The following GRM1 variants were observed in gnomAD, a reference collection of about 807,000 sequenced individuals.
GRM1 encodes glutamate metabotropic receptor 1.
GRM1 carries 33 observed loss-of-function variants against 90.9 expected under a neutral mutation model. That is an observed-to-expected ratio of 0.36 (90% confidence interval 0.28 to 0.49). The LOEUF is 0.49. Among genes scored for constraint, GRM1 ranks in the 20% least tolerant of loss-of-function variants. GRM1 has a pLI of 0.99. For missense variants in GRM1, 1,190 were observed against 1,534.3 expected (o/e 0.78, Z 3.75); for synonymous variants, 700 against 613.2 (o/e 1.14, Z -2.09).
rs568602493 is a variant in GRM1 at position 146,335,649 on chromosome 6, G to A, written c.1187-16601G>A. ...ATCATTTTTAATCTTTAAAGTTCAA[G>A]ACACTTTCCCAGGGCCCCCAAAATG... is the stretch of plus-strand genomic sequence containing the variant. On this transcript the variant is annotated intron_variant, in intron 3 of 7. Transcript: ENST00000282753. Among the ~76,000 whole-genome samples, 428 of 152,138 alleles carry A rather than the reference G, an allele frequency of 2.8e-3. 1 individual carries two copies. The highest frequency in any genetic ancestry group is 6.8e-3 in the Middle Eastern group (2 of 294).
At chr6:146,381,903 C>T (rs537358019) in intron 5 of GRM1, among the ~76,000 whole-genome samples, 24 of 152,114 alleles carry the variant, frequency 1.6e-4, no homozygotes, top group African/African-American at 5.3e-4. Flanking sequence ...AATCCATTTC[C>T]GGTTGCTTCA....
intron 2 of GRM1, among the ~76,000 whole-genome samples, chr6:146,296,508 C>A (rs1783183069): frequency 6.6e-6 from 1 of 152,178 alleles, no homozygotes; most frequent in South Asian, 2.1e-4. Flanking sequence ...TGATACACTG[C>A]TAGAACTTAT....
intron 1 of GRM1, among the ~76,000 whole-genome samples, chr6:146,156,647 G>A (rs1164544712): frequency 3.3e-5 from 5 of 152,170 alleles, no homozygotes; most frequent in African/African-American, 4.8e-5. Context: ...GTTCTTCCCT[G>A]CTTCTCTTTG....
chr6:146,274,402 C>T (rs920590275), intron 2 of GRM1, among the ~76,000 whole-genome samples: 4 of 152,090 alleles, frequency 2.6e-5, no homozygotes, highest in Admixed American at 1.3e-4. Context: ...ACCTCCATAC[C>T]GTGAAGAAAT....
intron 1 of GRM1, among the ~76,000 whole-genome samples, chr6:146,131,360 A>G (rs1776391094): frequency 6.6e-6 from 1 of 152,100 alleles, no homozygotes; most frequent in Non-Finnish European, 1.5e-5. Flanking sequence ...AAAAGGTGTT[A>G]TCCCCAAAAT....
intron 6 of GRM1, 84 bp from the exon 7 acceptor site, chr6:146,398,685 A>G: frequency 1.1e-6 from 1 of 906,116 alleles, no homozygotes; most frequent in Non-Finnish European, 1.9e-6. Flanking sequence ...TGCAAAGATG[A>G]CTGTGTCTCT....
At chr6:146,059,148 C>T (rs1289625201) in intron 1 of GRM1, among the ~76,000 whole-genome samples, 1 of 152,120 alleles carries the variant, frequency 6.6e-6, no homozygotes, top group Non-Finnish European at 1.5e-5. Flanking sequence ...TTGCCCAGAT[C>T]CATCAGAGGA....
chr6:146,376,057 T>C (rs1236331912), intron 5 of GRM1, among the ~76,000 whole-genome samples: 18 of 152,130 alleles, frequency 1.2e-4, no homozygotes, highest in Admixed American at 7.2e-4. Context: ...TTTTTTGTTT[T>C]AAGGTTACAA....
At chr6:146,366,380 A>G (rs1480485094) in intron 5 of GRM1, among the ~76,000 whole-genome samples, 1 of 152,214 alleles carries the variant, frequency 6.6e-6, no homozygotes, top group African/African-American at 2.4e-5. Flanking sequence ...ATTTTAAAAT[A>G]TACAATAAAT....
At chr6:146,105,208 A>G (rs1475450707) in intron 1 of GRM1, among the ~76,000 whole-genome samples, 1 of 152,214 alleles carries the variant, frequency 6.6e-6, no homozygotes, top group African/African-American at 2.4e-5. Flanking sequence ...TGATGGTAGA[A>G]GTCTGATTGT....
intron 5 of GRM1, among the ~76,000 whole-genome samples, chr6:146,361,351 A>G (rs558520653): frequency 2.6e-4 from 39 of 152,324 alleles, no homozygotes; most frequent in Non-Finnish European, 4.7e-4. Context: ...CCCAAGACAC[A>G]AGTACAGCCA....
intron 1 of GRM1, among the ~76,000 whole-genome samples, chr6:146,091,356 TG>T (rs199582772): frequency 0.012 from 1,755 of 152,134 alleles, 39 homozygotes; most frequent in African/African-American, 0.04. Context: ...CCTAATATTT[TG>T]ATAGTGTATT....
intron 1 of GRM1, among the ~76,000 whole-genome samples, chr6:146,095,065 T>G (rs1403310960): frequency 6.6e-6 from 1 of 152,144 alleles, no homozygotes; most frequent in Non-Finnish European, 1.5e-5. Context: ...TCACTGAAAT[T>G]GAAGTTTTAA....
chr6:146,426,408 C>T, intron 7 of GRM1: 2 of 653,850 alleles, frequency 3.1e-6, no homozygotes, highest in Admixed American at 2.6e-5. Flanking sequence ...GAGAAACAGC[C>T]AGGCAGAGCA....
intron 1 of GRM1, among the ~76,000 whole-genome samples, chr6:146,127,973 A>G (rs1206902403): frequency 6.6e-6 from 1 of 152,192 alleles, no homozygotes; most frequent in Non-Finnish European, 1.5e-5. Context: ...GAGTTTGCTC[A>G]CAAGCCTCCC....
intron 3 of GRM1, among the ~76,000 whole-genome samples, chr6:146,323,822 T>C (rs1784297098): frequency 6.6e-6 from 1 of 152,218 alleles, no homozygotes; most frequent in African/African-American, 2.4e-5. Context: ...CTAGCCTGTT[T>C]TCCCAGCACC....
At position 146,062,715 on chromosome 6, in the gene GRM1, T is replaced by A. The variant is rs546909341; in HGVS notation, c.700+32498T>A. On this transcript the variant is annotated intron_variant, in intron 1 of 7. Transcript: ENST00000282753. ...TCATCATCAATTTATTTTTCTGTAA[T>A]GCCTATTTTGCTAGTTTTCTTCCTC... 3.3e-5 allele frequency among the ~76,000 whole-genome samples: 5 copies of A among 152,268 alleles called. No homozygotes were observed. In the South Asian group the frequency reaches 1.0e-3, roughly 32 times the overall value.
intron 1 of GRM1, among the ~76,000 whole-genome samples, chr6:146,153,661 A>G (rs1164844022): frequency 6.6e-6 from 1 of 152,204 alleles, no homozygotes; most frequent in Non-Finnish European, 1.5e-5. Flanking sequence ...GAGGGAGAGC[A>G]TCTGGAAGAA....
intron 1 of GRM1, among the ~76,000 whole-genome samples, chr6:146,138,317 A>C: frequency 6.6e-6 from 1 of 152,004 alleles, no homozygotes; most frequent in East Asian, 1.9e-4. Context: ...TTTATTATGT[A>C]GATGTATCGT....
Sources: allele counts gnomAD v4.1 joint callset (sites outside exome capture counted in the v4.1 genomes callset), GRCh38; gene constraint gnomAD v4.1.1; transcripts MANE v1.5; gene names NCBI Gene and HGNC (gene_info 2026-07-23, HGNC 2026-07-21).